COG5: variants seen among roughly 807,000 people sequenced by gnomAD.
COG5 encodes conserved oligomeric Golgi complex subunit 5.
COG5 carries 86 observed loss-of-function variants against 110.4 expected under a neutral mutation model. The observed-to-expected ratio is 0.78, with a 90% CI of 0.65 to 0.93. The LOEUF (loss-of-function observed/expected upper bound fraction) is 0.93. Among genes scored for constraint, COG5 ranks in the 40% least tolerant of loss-of-function variants. The pLI is 0.00. For synonymous variants in COG5, 360 were observed against 334.6 expected (o/e 1.08, Z -0.83); for missense variants, 1,077 against 987.0 (o/e 1.09, Z -1.22).
chr7:107,556,986 G>T (rs2129178751), intron 2 of COG5, among the ~76,000 whole-genome samples: 1 of 152,128 alleles, frequency 6.6e-6, no homozygotes, highest in East Asian at 1.9e-4. Flanking sequence ...GGCCAGGCTG[G>T]TCTGGAACTC....
intron 7 of COG5, among the ~76,000 whole-genome samples, chr7:107,399,422 T>C: frequency 6.6e-6 from 1 of 152,104 alleles, no homozygotes; most frequent in East Asian, 1.9e-4. Flanking sequence ...GGGGTGGTTT[T>C]CCCACTTGCT....
intron 10 of COG5, 42 bp from the exon 11 acceptor site, chr7:107,324,563 CATTTA>C: frequency 3.3e-6 from 4 of 1,216,916 alleles, no homozygotes; most frequent in Non-Finnish European, 4.8e-6. Flanking sequence ...TAAAAAAATG[CATTTA>C]TTTTAAGAAA....
intron 6 of COG5, among the ~76,000 whole-genome samples, chr7:107,466,444 T>A (rs780059152): frequency 5.9e-5 from 9 of 152,174 alleles, no homozygotes; most frequent in Non-Finnish European, 1.2e-4. Context: ...AATGCCCAAT[T>A]TAGGTGAAGT....
intron 16 of COG5, among the ~76,000 whole-genome samples, chr7:107,253,991 TG>T (rs1236050468): frequency 6.6e-6 from 1 of 152,184 alleles, no homozygotes; most frequent in Non-Finnish European, 1.5e-5. Context: ...TTATCACCAC[TG>T]GGCTCCTCAC....
intron 10 of COG5, among the ~76,000 whole-genome samples, chr7:107,359,798 T>C (rs1812938576): frequency 6.6e-6 from 1 of 151,972 alleles, no homozygotes; most frequent in African/African-American, 2.4e-5. Flanking sequence ...AGCTAAGCAC[T>C]CTGGGTCTCC....
chr7:107,462,538 A>C (rs1796060071), intron 6 of COG5, among the ~76,000 whole-genome samples: 1 of 149,834 alleles, frequency 6.7e-6, no homozygotes, highest in Admixed American at 6.7e-5. Flanking sequence ...TAAACCCCAG[A>C]GGGAAAGGCA....
At chr7:107,445,672 T>C (rs1447794790) in intron 6 of COG5, among the ~76,000 whole-genome samples, 1 of 151,938 alleles carries the variant, frequency 6.6e-6, no homozygotes, top group Non-Finnish European at 1.5e-5. Flanking sequence ...CTTCTTGGTA[T>C]CACAATATAA....
intron 7 of COG5, among the ~76,000 whole-genome samples, chr7:107,409,351 T>C (rs1048012302): frequency 6.6e-6 from 1 of 151,200 alleles, no homozygotes; most frequent in Non-Finnish European, 1.5e-5. Context: ...AAAAAAGTCC[T>C]TTGGGAAACT....
chr7:107,217,063 A>G (rs905128087), intron 19 of COG5, among the ~76,000 whole-genome samples: 1 of 152,196 alleles, frequency 6.6e-6, no homozygotes, highest in African/African-American at 2.4e-5. Flanking sequence ...ACTGAAATAC[A>G]AAGGATAATG....
chr7:107,224,883 G>A (rs984345276), intron 19 of COG5, among the ~76,000 whole-genome samples: 1 of 152,252 alleles, frequency 6.6e-6, no homozygotes, highest in African/African-American at 2.4e-5. Flanking sequence ...GATTCCCGCT[G>A]CCTGAGAAAC....
intron 12 of COG5, among the ~76,000 whole-genome samples, chr7:107,286,380 C>A (rs1443897656): frequency 6.6e-6 from 1 of 152,110 alleles, no homozygotes; most frequent in Admixed American, 6.5e-5. Flanking sequence ...ATCAGCCCAC[C>A]ATGTCTATAG....
intron 6 of COG5, among the ~76,000 whole-genome samples, chr7:107,525,242 T>TGTA (rs1800644957): frequency 1.3e-5 from 2 of 151,952 alleles, no homozygotes; most frequent in Non-Finnish European, 2.9e-5. Context: ...GTTTTTGTTT[T>TGTA]TTTTTTTCGA....
In COG5 at chr7:107,527,285, C is replaced by T. The variant is rs774254837; in HGVS notation, c.490G>A (p.Gly164Arg). 6.2e-7 allele frequency: 1 copy of T among 1,611,820 alleles called. No individual in the cohort carries two copies. The highest frequency in any genetic ancestry group is 1.3e-5 in the African/African-American group (1 of 74,976). ...LSKRLQGQLQGGSREITKAAQ... is the reference protein window; with the variant it reads ...LSKRLQGQLQRGSREITKAAQ... ...GCTTTTGTTATCTCTCTACTTCCCC[C>T]TTGCAGTTGTCCTTGGAGTCTCTTA... Residue 164 changes from glycine to arginine, a missense_variant, in exon 6 of 22, where the codon GGG (glycine) becomes AGG (arginine). Coordinates refer to ENST00000297135, the MANE Select transcript of COG5 (RefSeq NM_006348.5).
chr7:107,488,278 TA>T (rs1797770977), intron 6 of COG5, among the ~76,000 whole-genome samples: 1 of 151,512 alleles, frequency 6.6e-6, no homozygotes, highest in Non-Finnish European at 1.5e-5. Flanking sequence ...TATTATTAAA[TA>T]AAAAATATAT....
At chr7:107,279,223 C>A (rs1411699042) in intron 14 of COG5, among the ~76,000 whole-genome samples, 1 of 152,142 alleles carries the variant, frequency 6.6e-6, no homozygotes, top group East Asian at 1.9e-4. Context: ...AAATGCAGAT[C>A]AAAACCACAA....
chr7:107,204,021 C>T (rs1316462695), intron 21 of COG5, among the ~76,000 whole-genome samples: 4 of 152,182 alleles, frequency 2.6e-5, no homozygotes, highest in African/African-American at 7.2e-5. Flanking sequence ...CTGAAAGGCA[C>T]GCTCAAGAGT....
intron 7 of COG5, among the ~76,000 whole-genome samples, chr7:107,386,624 A>G (rs1238714796): frequency 6.6e-6 from 1 of 152,188 alleles, no homozygotes; most frequent in African/African-American, 2.4e-5. Context: ...CAGAAACAGT[A>G]TATAAAAGTA....
chr7:107,548,005 T>G, intron 5 of COG5, 106 bp downstream of exon 5: 1 of 923,704 alleles, frequency 1.1e-6, no homozygotes, highest in Non-Finnish European at 1.7e-6. Context: ...TCTCTTACCT[T>G]CTGTTCCCAT....
rs186177193 is a variant in COG5, at chr7:107,350,932, A to G, written c.1026+11101T>C. Among the ~76,000 whole-genome samples the G allele has an allele frequency of 1.1e-4, 17 of 152,266 alleles. No homozygotes were observed. The East Asian group carries it at 3.3e-3, about 29-fold the overall frequency. On this transcript the variant is annotated intron_variant, in intron 10 of 21. Coordinates refer to ENST00000297135, the MANE Select transcript of COG5 (RefSeq NM_006348.5). ...ACAGGTTCAACTATTTTATCTTTAC[A>G]TGTATCTATATATGCATGGATGCCC... is the stretch of plus-strand genomic sequence containing the variant.
Sources: gnomAD v4.1 joint callset for allele counts (sites outside exome capture counted in the v4.1 genomes callset) on GRCh38, gnomAD v4.1.1 for gene constraint, MANE v1.5 for transcripts, NCBI Gene and HGNC (gene_info 2026-07-23, HGNC 2026-07-21) for gene names.